The following AKAP19 variants were observed in gnomAD, a reference collection of about 807,000 sequenced individuals.
The protein encoded by AKAP19 is small A-kinase anchoring protein.
the AKAP19 span, chr2:190,062,619 T>C: frequency 4.4e-6 from 7 of 1,603,304 alleles, no homozygotes; most frequent in Non-Finnish European, 5.1e-6. Flanking sequence ...AATATAATCT[T>C]TTTTCTTGTT....
At chr2:190,184,151 G>C in the AKAP19 span, among the ~76,000 whole-genome samples, 2 of 152,110 alleles carry the variant, frequency 1.3e-5, no homozygotes, top group Non-Finnish European at 2.9e-5. Context: ...TTTATTCCTT[G>C]TAAGTTAAAA....
At chr2:189,937,024 A>T in the AKAP19 span, among the ~76,000 whole-genome samples, 4 of 152,136 alleles carry the variant, frequency 2.6e-5, no homozygotes, top group South Asian at 8.3e-4. Context: ...AGTCCCAGTT[A>T]CTTGGGAGGC....
the AKAP19 span, among the ~76,000 whole-genome samples, chr2:189,977,336 T>C: frequency 6.6e-6 from 1 of 152,210 alleles, no homozygotes; most frequent in African/African-American, 2.4e-5. Context: ...AGTGAGTTAC[T>C]TTTTTTCTTT....
the AKAP19 span, among the ~76,000 whole-genome samples, chr2:190,197,354 C>A: frequency 3.3e-5 from 5 of 152,166 alleles, no homozygotes; most frequent in African/African-American, 1.2e-4. The surrounding 1 kb of genome is among the most constrained non-coding windows in gnomAD (Gnocchi z 4.0). Flanking sequence ...TCCAAGGATT[C>A]TAAGTACTGT....
At chr2:190,103,562 C>A in the AKAP19 span, among the ~76,000 whole-genome samples, 1 of 151,996 alleles carries the variant, frequency 6.6e-6, no homozygotes, top group African/African-American at 2.4e-5. Context: ...GGCTGAAAGC[C>A]AAATCAAGAA....
At chr2:189,907,217 C>T in the AKAP19 span, among the ~76,000 whole-genome samples, 1 of 152,124 alleles carries the variant, frequency 6.6e-6, no homozygotes, top group African/African-American at 2.4e-5. Context: ...CAAAGTCTTA[C>T]ATATATATGG....
chr2:190,074,912 A>G, the AKAP19 span, among the ~76,000 whole-genome samples: 40 of 152,202 alleles, frequency 2.6e-4, no homozygotes, highest in African/African-American at 8.2e-4. Flanking sequence ...TGTGAGTATC[A>G]TACACTATGA....
At chr2:190,123,012 A>G in the AKAP19 span, among the ~76,000 whole-genome samples, 321 of 152,042 alleles carry the variant, frequency 2.1e-3, 1 homozygote, top group Non-Finnish European at 3.6e-3. Flanking sequence ...AGATCTCGCT[A>G]TGTTGCCCAA....
the AKAP19 span, among the ~76,000 whole-genome samples, chr2:189,899,484 C>G: frequency 6.6e-6 from 1 of 152,148 alleles, no homozygotes. Flanking sequence ...TGGTAACCAT[C>G]TTGTCAGAAA....
At chr2:189,884,067 AACTT>A in the AKAP19 span, among the ~76,000 whole-genome samples, 5 of 152,226 alleles carry the variant, frequency 3.3e-5, no homozygotes, top group South Asian at 8.3e-4. Context: ...TTTAATTTTG[AACTT>A]ATTTGATATT....
the AKAP19 span, among the ~76,000 whole-genome samples, chr2:190,015,448 C>G: frequency 2.0e-5 from 3 of 152,186 alleles, no homozygotes; most frequent in African/African-American, 7.2e-5. Context: ...CGAGGCTGCA[C>G]AGAGCAGCAG....
chr2:190,199,865 G>A, the AKAP19 span: 462 of 1,613,250 alleles, frequency 2.9e-4, 2 homozygotes, highest in Admixed American at 1.1e-3. Context: ...CATAACATGG[G>A]CTGCATGAAA....
the AKAP19 span, among the ~76,000 whole-genome samples, chr2:190,142,622 C>T: frequency 1.7e-3 from 262 of 152,258 alleles, no homozygotes; most frequent in African/African-American, 5.7e-3. Flanking sequence ...TAGGCCTCCA[C>T]AGTGGTAAGA....
At chr2:189,936,468 T>C in the AKAP19 span, among the ~76,000 whole-genome samples, 2 of 152,220 alleles carry the variant, frequency 1.3e-5, no homozygotes, top group African/African-American at 2.4e-5. Flanking sequence ...TCTGGAATTA[T>C]AGCAAGTTCC....
At chr2:190,105,596 ATC>A in the AKAP19 span, among the ~76,000 whole-genome samples, 1 of 152,152 alleles carries the variant, frequency 6.6e-6, no homozygotes, top group African/African-American at 2.4e-5. Context: ...AACCTTTCAA[ATC>A]TCTGTCTGAA....
the AKAP19 span, chr2:189,923,258 G>T: frequency 1.4e-6 from 2 of 1,428,894 alleles, no homozygotes; most frequent in Non-Finnish European, 1.9e-6. Flanking sequence ...GAACCCGGGA[G>T]TAGGAGACTC....
the AKAP19 span, among the ~76,000 whole-genome samples, chr2:190,014,598 A>T: frequency 6.6e-6 from 1 of 151,954 alleles, no homozygotes; most frequent in Non-Finnish European, 1.5e-5. Flanking sequence ...TCACTTCTTC[A>T]CATTTCAAAA....
At chr2:190,120,250 C>T in the AKAP19 span, among the ~76,000 whole-genome samples, 6 of 152,278 alleles carry the variant, frequency 3.9e-5, no homozygotes, top group East Asian at 7.7e-4. Context: ...TTATGAGAAT[C>T]TCCTGATCAT....
chr2:190,171,462 T>C, the AKAP19 span, among the ~76,000 whole-genome samples: 2 of 150,748 alleles, frequency 1.3e-5, no homozygotes, highest in African/African-American at 4.9e-5. Context: ...TGACTACAAG[T>C]ATAATCAATC....
Sources: gnomAD v4.1 joint callset for allele counts (sites outside exome capture counted in the v4.1 genomes callset) on GRCh38, gnomAD v4.1.1 for gene constraint, Gnocchi (gnomAD v3.1) non-coding constraint, MANE v1.5 for transcripts, NCBI Gene and HGNC (gene_info 2026-07-23, HGNC 2026-07-21) for gene names.